The following DTNA variants were observed in gnomAD, a reference collection of about 807,000 sequenced individuals.
DTNA encodes dystrophin-related protein 3.
In DTNA, 43 loss-of-function variants were observed where a neutral mutation model predicts 100.7. The ratio of observed to expected loss-of-function variants is 0.43; its 90% confidence interval spans 0.33 to 0.55. DTNA has a LOEUF of 0.55. Ranked by LOEUF, DTNA falls within the 20% of genes least tolerant of loss-of-function variation. DTNA has a pLI of 0.04. For synonymous variants in DTNA, 349 were observed against 347.9 expected (o/e 1.00, Z -0.04); for missense variants, 798 against 953.9 (o/e 0.84, Z 2.15).
intron 4 of DTNA, among the ~76,000 whole-genome samples, chr18:34,795,198 C>T (rs1568549436): frequency 6.6e-6 from 1 of 152,110 alleles, no homozygotes; most frequent in Non-Finnish European, 1.5e-5. Flanking sequence ...ATTGTCTGGC[C>T]AATGCCTGGA....
chr18:34,635,922 C>G (rs1172802134), intron 1 of DTNA, among the ~76,000 whole-genome samples: 1 of 151,228 alleles, frequency 6.6e-6, no homozygotes, highest in Non-Finnish European at 1.5e-5. Flanking sequence ...AAAAAAAAAA[C>G]CTGTGAAATA....
At chr18:34,812,358 G>T (rs959716473) in intron 6 of DTNA, among the ~76,000 whole-genome samples, 2 of 152,072 alleles carry the variant, frequency 1.3e-5, no homozygotes, top group African/African-American at 4.8e-5. Flanking sequence ...TCCTTTCATT[G>T]TCTAATTTAA....
At chr18:34,811,448 A>G (rs1467888969) in intron 5 of DTNA, among the ~76,000 whole-genome samples, 1 of 148,184 alleles carries the variant, frequency 6.7e-6, no homozygotes, top group African/African-American at 2.6e-5. Flanking sequence ...TTGTCATTAC[A>G]TCTTTATCCT....
intron 1 of DTNA, among the ~76,000 whole-genome samples, chr18:34,534,705 C>T (rs943558541): frequency 2.0e-5 from 3 of 152,046 alleles, no homozygotes; most frequent in East Asian, 3.9e-4. Flanking sequence ...CATGTGTTCT[C>T]GTTGTTCACC....
At chr18:34,808,723 C>T (rs2095422442) in intron 5 of DTNA, among the ~76,000 whole-genome samples, 1 of 152,186 alleles carries the variant, frequency 6.6e-6, no homozygotes, top group Non-Finnish European at 1.5e-5. Flanking sequence ...ACAGTGCTTT[C>T]TCCTCACCCC....
chr18:34,639,579 A>G (rs1324275048), intron 1 of DTNA, among the ~76,000 whole-genome samples: 1 of 152,196 alleles, frequency 6.6e-6, no homozygotes, highest in Non-Finnish European at 1.5e-5. Context: ...TGCTCAAACT[A>G]AACTTCTCTG....
intron 1 of DTNA, among the ~76,000 whole-genome samples, chr18:34,560,769 CA>C (rs2046561607): frequency 6.6e-6 from 1 of 151,954 alleles, no homozygotes; most frequent in African/African-American, 2.4e-5. Context: ...CACACACACG[CA>C]ATTAGCCAGG....
intron 1 of DTNA, among the ~76,000 whole-genome samples, chr18:34,666,885 G>A (rs1245441532): frequency 2.0e-5 from 3 of 152,150 alleles, no homozygotes; most frequent in Non-Finnish European, 4.4e-5. Context: ...TTTTGGCTTA[G>A]GATTGACTTG....
chr18:34,497,016 T>A (rs893621343), intron 1 of DTNA, among the ~76,000 whole-genome samples: 4 of 152,200 alleles, frequency 2.6e-5, no homozygotes, highest in African/African-American at 4.8e-5. Context: ...TACTTTTTTT[T>A]AAAGCACATG....
chr18:34,592,502 A>ACACACACACACACACACACACG (rs1371552393), intron 1 of DTNA, among the ~76,000 whole-genome samples: 5 of 150,610 alleles, frequency 3.3e-5, no homozygotes, highest in African/African-American at 1.2e-4. Flanking sequence ...ACACACACAC[A>ACACACACACACACACACACACG]CACATTTTGT....
chr18:34,622,581 C>A (rs557661458), intron 1 of DTNA, among the ~76,000 whole-genome samples: 3 of 152,266 alleles, frequency 2.0e-5, no homozygotes, highest in Non-Finnish European at 2.9e-5. Context: ...AAGATCTGCC[C>A]TCAATGCGGG....
chr18:34,679,613 GAACTT>G (rs2077808744), intron 1 of DTNA: 1 of 152,116 alleles, frequency 6.6e-6, no homozygotes, highest in Non-Finnish European at 1.5e-5. Flanking sequence ...TTAAGACAAA[GAACTT>G]AAGATGAATA....
chr18:34,632,956 T>C (rs1222867629), intron 1 of DTNA, among the ~76,000 whole-genome samples: 3 of 152,040 alleles, frequency 2.0e-5, no homozygotes, highest in Non-Finnish European at 2.9e-5. Flanking sequence ...TTATCCCTAT[T>C]TTACAGCTAA....
chr18:34,595,453 T>A (rs1330178419), intron 1 of DTNA, among the ~76,000 whole-genome samples: 1 of 152,122 alleles, frequency 6.6e-6, no homozygotes, highest in African/African-American at 2.4e-5. Context: ...TGTGGCCAAA[T>A]AGTGTTGACA....
At chr18:34,567,331 C>T (rs1420301206) in intron 1 of DTNA, among the ~76,000 whole-genome samples, 1 of 151,826 alleles carries the variant, frequency 6.6e-6, no homozygotes, top group Non-Finnish European at 1.5e-5. Context: ...ATTTACTATT[C>T]GTTACCTTAA....
At chr18:34,832,884 G>A (rs1167777200) in intron 11 of DTNA, among the ~76,000 whole-genome samples, 1 of 152,080 alleles carries the variant, frequency 6.6e-6, no homozygotes, top group Non-Finnish European at 1.5e-5. Context: ...TATAATTCTA[G>A]TGAGAAGGAA....
At chr18:34,634,807 CT>C in intron 1 of DTNA, among the ~76,000 whole-genome samples, 1 of 152,240 alleles carries the variant, frequency 6.6e-6, no homozygotes, top group South Asian at 2.1e-4. Flanking sequence ...GCACTACCTC[CT>C]TTTTTGTAGT....
chr18:34,635,987 G>A lies in DTNA; in HGVS notation c.-1-119989G>A, dbSNP rs182679220. ...TCAGTCTTCTTTCACTTAAAATGATGTTCCACAAAAACACATGTAGCCTAG... is the reference window on the plus strand; with the variant it reads ...TCAGTCTTCTTTCACTTAAAATGATATTCCACAAAAACACATGTAGCCTAG... On this transcript the variant is annotated intron_variant, in intron 1 of 19. Coordinates refer to the DTNA transcript ENST00000283365. Among the ~76,000 whole-genome samples the A allele has an allele frequency of 2.2e-3, 335 of 151,488 alleles. 4 individuals are homozygous for A. Among genetic ancestry groups the A allele is most frequent in the Non-Finnish European group, 2.1e-3 (142 of 67,934 alleles).
At chr18:34,584,058 T>C (rs966146212) in intron 1 of DTNA, among the ~76,000 whole-genome samples, 1 of 152,186 alleles carries the variant, frequency 6.6e-6, no homozygotes, top group Non-Finnish European at 1.5e-5. Context: ...CTTAGGTGGC[T>C]CAGCTCCCAG....
Sources: gnomAD v4.1 joint callset for allele counts (sites outside exome capture counted in the v4.1 genomes callset) on GRCh38, gnomAD v4.1.1 for gene constraint, MANE v1.5 for transcripts, NCBI Gene and HGNC (gene_info 2026-07-23, HGNC 2026-07-21) for gene names.